The following WDR48 variants were observed in gnomAD, a reference collection of about 807,000 sequenced individuals.
WDR48 encodes WD repeat domain 48, also known as WD repeat-containing protein 48.
WDR48 carries 22 observed loss-of-function variants against 94.0 expected under a neutral mutation model. The ratio of observed to expected loss-of-function variants is 0.23; its 90% confidence interval spans 0.17 to 0.33. WDR48 has a LOEUF of 0.33. WDR48 is among the 10% of genes least tolerant of loss of function. WDR48 has a pLI of 1.00. For synonymous variants in WDR48, 278 were observed against 280.5 expected (o/e 0.99, Z 0.09); for missense variants, 541 against 813.8 (o/e 0.66, Z 4.08).
chr3:39,065,728 A>T (rs573679216), intron 2 of WDR48, 83 bp from the exon 3 acceptor site: 1 of 1,051,236 alleles, frequency 9.5e-7, no homozygotes, highest in Admixed American at 2.5e-5. Flanking sequence ...TGTCACATTA[A>T]TTGAAGAATT....
At position 39,065,905 on chromosome 3, in the gene WDR48, G is replaced by C. The variant is rs1203885634; in HGVS notation, c.268+16G>C. 1 of 1,550,364 alleles carries C rather than the reference G, an allele frequency of 6.5e-7. No individual in the cohort carries two copies. Among genetic ancestry groups the C allele is most frequent in the Non-Finnish European group, 8.7e-7 (1 of 1,152,252 alleles). On this transcript the variant is annotated intron_variant, in intron 3 of 18. Transcript: ENST00000302313. Reference sequence around the variant, plus strand: ...GGGAAAACATGTAAGTATTTCTTTGGATTATTATTGGGCTTCTGATATATT... The same window carrying C: ...GGGAAAACATGTAAGTATTTCTTTGCATTATTATTGGGCTTCTGATATATT...
chr3:39,092,380 C>G (rs1466681670), intron 17 of WDR48, among the ~76,000 whole-genome samples: 1 of 152,192 alleles, frequency 6.6e-6, no homozygotes, highest in East Asian at 1.9e-4. Context: ...GGTAGAACTT[C>G]AAAAGATAGA....
At position 39,066,027 on chromosome 3, in the gene WDR48, C is replaced by A. The variant is rs1218992119; in HGVS notation, c.268+138C>A. 12 of 606,922 alleles carry A rather than the reference C, an allele frequency of 2.0e-5. 1 individual carries two copies. In the South Asian group the frequency reaches 3.2e-4, roughly 16 times the overall value. The allele number at this position is 606,922 out of a possible 1,614,324, so 37.6% of individuals were successfully genotyped here. A position where few individuals can be genotyped will look rare whatever the true frequency, so the allele number is the denominator to read the frequency against. ...TCAACACAATTTTAGAAAGTGAATA[C>A]CCAAATCAAGAAACAATATTACTAG... On this transcript the variant is annotated intron_variant, in intron 3 of 18. Coordinates refer to ENST00000302313, the MANE Select transcript of WDR48 (RefSeq NM_020839.4).
At chr3:39,070,141 A>G (rs1433474888) in intron 7 of WDR48, among the ~76,000 whole-genome samples, 7 of 152,254 alleles carry the variant, frequency 4.6e-5, no homozygotes, top group Admixed American at 4.6e-4. Flanking sequence ...ATGTAGATAT[A>G]GTTGATAAAT....
intron 13 of WDR48, 28 bp downstream of exon 13, chr3:39,084,769 C>T: frequency 6.3e-7 from 1 of 1,590,470 alleles, no homozygotes; most frequent in Non-Finnish European, 8.6e-7. Flanking sequence ...TCATTTTTTT[C>T]CTCCCTTCTA....
chr3:39,064,110 G>T (rs554022520), intron 2 of WDR48, among the ~76,000 whole-genome samples: 1 of 151,990 alleles, frequency 6.6e-6, no homozygotes, highest in Non-Finnish European at 1.5e-5. Context: ...TATTTTGTTG[G>T]AACACCTATA....
chr3:39,068,883 T>C, intron 6 of WDR48, 24 bp downstream of exon 6: 2 of 1,510,626 alleles, frequency 1.3e-6, no homozygotes, highest in Non-Finnish European at 1.8e-6. Flanking sequence ...TATTTCTTTA[T>C]TTAAAAAAAA....
rs141727429 is a variant in WDR48, at chr3:39,084,243, C to T, written c.1262C>T (p.Ser421Leu). 2 of 1,609,680 alleles carry T rather than the reference C, an allele frequency of 1.2e-6. No homozygotes were observed. Among genetic ancestry groups the T allele is most frequent in the Non-Finnish European group, 1.7e-6 (2 of 1,177,396 alleles). ...ATGGTGTATGTGCCAAATTGGTTCT[C>T]AGTAGACTTAAAAACAGGGGTAAGT... ...FKMVYVPNWFSVDLKTGMLTI... is the reference protein window; with the variant it reads ...FKMVYVPNWFLVDLKTGMLTI... The change falls in exon 12 of 19, where the codon TCA becomes TTA. Residue 421 changes from serine (S) to leucine (L), a missense_variant. Coordinates refer to ENST00000302313, the MANE Select transcript of WDR48 (RefSeq NM_020839.4).
chr3:39,081,577 C>T (rs1016278370), intron 11 of WDR48, among the ~76,000 whole-genome samples: 4 of 152,176 alleles, frequency 2.6e-5, no homozygotes, highest in African/African-American at 9.7e-5. Flanking sequence ...CAGAACAGCC[C>T]TAAGAAACTC....
In WDR48 at chr3:39,056,360, C is replaced by G. The variant is rs578061495; in HGVS notation, c.48+4287C>G. ...TTCCAGTATCTGACTCATTTGAGTTCAAGAAAGAGCAAAGAAAACAGAGAT... is the reference window on the plus strand; with the variant it reads ...TTCCAGTATCTGACTCATTTGAGTTGAAGAAAGAGCAAAGAAAACAGAGAT... On this transcript the variant is annotated intron_variant, in intron 1 of 18. Coordinates refer to ENST00000302313, the MANE Select transcript of WDR48 (RefSeq NM_020839.4). Among the ~76,000 whole-genome samples, 126 of 152,134 alleles carry G rather than the reference C, an allele frequency of 8.3e-4. No individual in the cohort carries two copies. The Middle Eastern group carries it at 0.01, about 12-fold the overall frequency.
At chr3:39,080,779 T>TG (rs2034494388) in intron 11 of WDR48, among the ~76,000 whole-genome samples, 1 of 152,144 alleles carries the variant, frequency 6.6e-6, no homozygotes, top group Admixed American at 6.5e-5. Flanking sequence ...AGATGCATAA[T>TG]GGGAGTAGAA....
At chr3:39,082,019 A>G (rs949464354) in intron 11 of WDR48, among the ~76,000 whole-genome samples, 1 of 152,232 alleles carries the variant, frequency 6.6e-6, no homozygotes, top group Non-Finnish European at 1.5e-5. Context: ...GCTGCATTCT[A>G]ACCTTGGCTG....
In WDR48 at chr3:39,052,022, C is replaced by T; in HGVS notation, c.-4C>T. On this transcript the variant is annotated 5_prime_UTR_variant, in exon 1 of 19. An upstream open reading frame in the 5' UTR gains an earlier in-frame stop. Transcript: ENST00000302313. ...GAAGTGACGTCGGAGTGTCAACATG[C>T]AAGATGGCGGCCCATCACCGGCAGA... The T allele has an allele frequency of 6.2e-7, 1 of 1,613,864 alleles. No homozygotes were observed. Among genetic ancestry groups the T allele is most frequent in the Non-Finnish European group, 8.5e-7 (1 of 1,179,920 alleles).
intron 7 of WDR48, among the ~76,000 whole-genome samples, chr3:39,071,584 C>T (rs2033937853): frequency 6.6e-6 from 1 of 152,216 alleles, no homozygotes; most frequent in African/African-American, 2.4e-5. Context: ...TTAAGTATCA[C>T]GTGTACAGTT....
intron 1 of WDR48, among the ~76,000 whole-genome samples, chr3:39,062,028 A>G (rs933464819): frequency 2.6e-5 from 4 of 152,152 alleles, no homozygotes; most frequent in Non-Finnish European, 5.9e-5. Flanking sequence ...GTAGATTGCA[A>G]AAATTTTCTC....
Position 39,063,105 on chromosome 3 carries a change from C to T in WDR48, c.104C>T (p.Ala35Val), listed in dbSNP as rs2033374677. ...AAGTACAACCGAAATGGAGTCAATG[C>T]TCTGCAGCTGGATCCAGCACTAAAT... ...VEKYNRNGVN[A>V]LQLDPALNRL... The change falls in exon 2 of 19, where the codon GCT becomes GTT. Residue 35 changes from alanine to valine, a missense_variant. Physicochemically the swap from Ala to Val is moderately conservative, Grantham distance 64 (BLOSUM62 0). This residue lies in a region of WDR48 where 90 missense variants were observed against 122.3 expected (regional missense o/e 0.74). Coordinates refer to ENST00000302313, the MANE Select transcript of WDR48 (RefSeq NM_020839.4). The T allele has an allele frequency of 1.9e-6, 3 of 1,613,950 alleles. No individual in the cohort carries two copies. The highest frequency in any genetic ancestry group is 1.6e-4 in the Middle Eastern group (1 of 6,084).
At chr3:39,073,294 T>C (rs2034038460) in intron 7 of WDR48, among the ~76,000 whole-genome samples, 2 of 152,242 alleles carry the variant, frequency 1.3e-5, no homozygotes, top group African/African-American at 4.8e-5. Context: ...AGTTTCTTGG[T>C]TCCCTTGTAA....
At chr3:39,068,236 A>G (rs951730783) in intron 5 of WDR48, among the ~76,000 whole-genome samples, 1 of 152,232 alleles carries the variant, frequency 6.6e-6, no homozygotes, top group African/African-American at 2.4e-5. Context: ...GGTTCATACT[A>G]TATAGACAGT....
chr3:39,075,696 A>T (rs1379744670), intron 8 of WDR48, among the ~76,000 whole-genome samples: 10 of 144,794 alleles, frequency 6.9e-5, no homozygotes, highest in Non-Finnish European at 1.2e-4. Flanking sequence ...AGTTTCCAAA[A>T]TTTTTTTTTT....
Sources: allele counts gnomAD v4.1 joint callset (sites outside exome capture counted in the v4.1 genomes callset), GRCh38; gene constraint gnomAD v4.1.1; regional missense constraint gnomAD v4.1.1; transcripts MANE v1.5; gene names NCBI Gene and HGNC (gene_info 2026-07-23, HGNC 2026-07-21).